The following RANBP9 variants were observed in gnomAD, a reference collection of about 807,000 sequenced individuals.
RANBP9 encodes the protein RAN binding protein 9, also known as ran-binding protein 9.
Under a neutral mutation model 84.3 loss-of-function variants are expected in RANBP9, and 15 were observed. The ratio of observed to expected loss-of-function variants is 0.18; its 90% CI spans 0.12 to 0.27. The LOEUF is 0.27. Ranked by LOEUF, RANBP9 falls within the 10% of genes least tolerant of loss-of-function variation. The pLI is 1.00. For synonymous variants in RANBP9, 392 were observed against 349.6 expected, an observed-to-expected ratio of 1.12 and a Z score of -1.35; for missense variants, 809 against 912.8, an observed-to-expected ratio of 0.89 and a Z score of 1.46.
intron 2 of RANBP9, among the ~76,000 whole-genome samples, chr6:13,682,197 T>C (rs945835769): frequency 6.6e-6 from 1 of 152,016 alleles, no homozygotes; most frequent in Non-Finnish European, 1.5e-5. Context: ...TTTGAAACAA[T>C]GTAAATGTTT....
rs147758831 is a variant in RANBP9 at position 13,623,729 on chromosome 6, CAT to C, written c.2060-1239_2060-1238del. Among the ~76,000 whole-genome samples the C allele has an allele frequency of 5.8e-3, 883 of 152,216 alleles. 4 individuals carry two copies. The highest frequency in any genetic ancestry group is 0.02 in the African/African-American group (820 of 41,542). ...CATAATATAGCATGGTATTTATAAA[CAT>C]ATACATGCCCATCTATAGCAGTTTA... On this transcript the variant is annotated intron_variant, in intron 13 of 13. Transcript: ENST00000011619.
rs1241218437 is a variant in RANBP9 at position 13,659,239 on chromosome 6, ACCCC to A, written c.684-411_684-408del. Among the ~76,000 whole-genome samples the A allele has an allele frequency of 1.4e-4, 20 of 138,356 alleles. 1 individual carries two copies. In the East Asian group the frequency reaches 3.2e-3, roughly 22 times the overall value. The allele number at this position is 138,356 out of a possible 152,430, so 90.8% of individuals were successfully genotyped here. A position where few individuals can be genotyped will look rare whatever the true frequency, so the allele number is the denominator to read the frequency against. On this transcript the variant is annotated intron_variant, in intron 2 of 13. Coordinates refer to ENST00000011619, the MANE Select transcript of RANBP9 (RefSeq NM_005493.3). ...CCCAAGGGACACAGTACAAATTTAG[ACCCC>A]ACACACACACACATACACACACACA... is the stretch of plus-strand genomic sequence containing the variant.
intron 4 of RANBP9, among the ~76,000 whole-genome samples, chr6:13,656,436 G>C (rs965835541): frequency 6.6e-6 from 1 of 151,586 alleles, no homozygotes; most frequent in African/African-American, 2.4e-5. Context: ...GGAATATAAT[G>C]ACCACATATA....
intron 2 of RANBP9, among the ~76,000 whole-genome samples, chr6:13,692,542 A>AC (rs1359562930): frequency 6.9e-5 from 10 of 145,898 alleles, no homozygotes; most frequent in African/African-American, 1.0e-4. Flanking sequence ...AAAAAAAAAA[A>AC]AAAAAAAAAA....
At position 13,711,157 on chromosome 6, in the gene RANBP9, C is replaced by T. The variant is rs1584955346; in HGVS notation, c.349G>A (p.Gly117Arg). The change falls in exon 1 of 14, where the codon GGA becomes AGA. Residue 117 changes from glycine to arginine, a missense_variant. By Grantham distance (125) the Gly-to-Arg change is moderately radical. This residue lies in a region of RANBP9 where 302 missense variants were observed against 240.1 expected (regional missense o/e 1.26). Coordinates refer to ENST00000011619, the MANE Select transcript of RANBP9 (RefSeq NM_005493.3). ...GCCACCAGAGCTGGGGTCGGGGCTC[C>T]TCCAGCCGGGCCGGGGCCCGCTGCA... ...GLAAGPGPAG[G>R]APTPALVAGS... is the part of the protein sequence containing the mutation. The T allele has an allele frequency of 1.4e-6, 2 of 1,481,410 alleles. No homozygotes were observed. The highest frequency in any genetic ancestry group is 8.9e-7 in the Non-Finnish European group (1 of 1,118,400). The allele number at this position is 1,481,410 out of a possible 1,614,324, so 91.8% of individuals were successfully genotyped here. A position where few individuals can be genotyped will look rare whatever the true frequency, so the allele number is the denominator to read the frequency against.
intron 4 of RANBP9, among the ~76,000 whole-genome samples, chr6:13,654,912 A>C (rs1765366124): frequency 1.3e-5 from 2 of 152,264 alleles, no homozygotes. Context: ...TATTCACTAG[A>C]TGCCAGAACT....
At chr6:13,710,881 G>T in intron 1 of RANBP9, 54 bp downstream of exon 1, 1 of 1,517,856 alleles carries the variant, frequency 6.6e-7, no homozygotes, top group African/African-American at 1.4e-5. Context: ...CGCAGCGGCG[G>T]CCGGCCACGT....
At chr6:13,657,378 T>A (rs1765424378) in intron 3 of RANBP9, 102 bp from the exon 4 acceptor site, 3 of 889,552 alleles carry the variant, frequency 3.4e-6, no homozygotes, top group East Asian at 5.9e-5. Context: ...CAAGATAATA[T>A]AAAGATGAAA....
chr6:13,694,750 G>C (rs1766403032), intron 2 of RANBP9, among the ~76,000 whole-genome samples: 1 of 152,102 alleles, frequency 6.6e-6, no homozygotes, highest in Non-Finnish European at 1.5e-5. Flanking sequence ...GTCCCCACCT[G>C]GGAATCATTC....
intron 2 of RANBP9, among the ~76,000 whole-genome samples, chr6:13,681,856 G>A (rs1041749163): frequency 1.3e-5 from 2 of 151,994 alleles, no homozygotes; most frequent in African/African-American, 4.8e-5. Context: ...CTTCTGTGAA[G>A]TGCCTTCTTT....
At chr6:13,696,615 T>C (rs1757837624) in intron 2 of RANBP9, among the ~76,000 whole-genome samples, 170 bp downstream of exon 2, 1 of 152,234 alleles carries the variant, frequency 6.6e-6, no homozygotes, top group Non-Finnish European at 1.5e-5. Flanking sequence ...AGCTTTAACT[T>C]CAGCTAGTAT....
chr6:13,698,330 AG>A (rs1757891867), intron 1 of RANBP9, among the ~76,000 whole-genome samples: 1 of 152,260 alleles, frequency 6.6e-6, no homozygotes, highest in Non-Finnish European at 1.5e-5. Flanking sequence ...CATATGATGC[AG>A]GTAATAGATT....
chr6:13,648,571 G>A (rs1765225381), intron 5 of RANBP9, among the ~76,000 whole-genome samples: 1 of 152,074 alleles, frequency 6.6e-6, no homozygotes, highest in Non-Finnish European at 1.5e-5. Flanking sequence ...AGACAGAATA[G>A]GTTCTTTATG....
chr6:13,639,599 A>T lies in RANBP9; in HGVS notation c.1489T>A (p.Leu497Ile), dbSNP rs1269920094. 8.7e-6 allele frequency: 14 copies of T among 1,612,178 alleles called. No individual in the cohort carries two copies. The highest frequency in any genetic ancestry group is 1.2e-5 in the Non-Finnish European group (14 of 1,178,350). The stretch of plus-strand genomic sequence containing the variant: ...GCGGTGCTTCCTTTGCCTGATGCTA[A>T]ATTGTGGATATTCATTCCATGGCTG... ...SPSHGMNIHN[L>I]ASGKGSTAHF... is the part of the protein sequence containing the mutation. The change falls in exon 9 of 14, where the codon TTA becomes ATA. Residue 497 changes from leucine to isoleucine, a missense_variant. Transcript: ENST00000011619.
intron 2 of RANBP9, among the ~76,000 whole-genome samples, chr6:13,680,341 T>C (rs935629274): frequency 6.6e-6 from 1 of 152,114 alleles, no homozygotes; most frequent in Non-Finnish European, 1.5e-5. Flanking sequence ...AGTCAAGTAA[T>C]GGTTCTTTAA....
At chr6:13,648,380 C>T (rs994687691) in intron 5 of RANBP9, among the ~76,000 whole-genome samples, 3 of 151,852 alleles carry the variant, frequency 2.0e-5, no homozygotes, top group Admixed American at 6.6e-5. Context: ...TCTCTTGATC[C>T]GCCCGCCTTG....
In RANBP9 at chr6:13,711,337, C is replaced by T; in HGVS notation, c.169G>A (p.Gly57Ser). 1 of 1,121,794 alleles carries T rather than the reference C, an allele frequency of 8.9e-7. No homozygotes were observed. The highest frequency in any genetic ancestry group is 5.0e-5 in the Admixed American group (1 of 20,008). 69.5% of individuals were successfully genotyped at this position (1,121,794 alleles called of 1,614,324 possible). Residue 57 changes from glycine to serine, a missense_variant, in exon 1 of 14, where the codon GGC (glycine) becomes AGC (serine). Transcript: ENST00000011619. Reference protein sequence around the residue: ...PAGSPGGGAGGEGLGAAAAAL... With the variant: ...PAGSPGGGAGSEGLGAAAAAL... ...GCCGCCGCGGCCCCTAAGCCTTCGC[C>T]GCCCGCACCGCCGCCGGGCGAGCCG...
intron 1 of RANBP9, among the ~76,000 whole-genome samples, chr6:13,705,406 CAAAAAA>C (rs774239782): frequency 8.2e-3 from 219 of 26,728 alleles, no homozygotes; most frequent in African/African-American, 0.022. Context: ...GATTCTGTCT[CAAAAAA>C]AAAAAAAAAA....
At chr6:13,691,769 G>A (rs751011279) in intron 2 of RANBP9, among the ~76,000 whole-genome samples, 1 of 152,014 alleles carries the variant, frequency 6.6e-6, no homozygotes, top group Non-Finnish European at 1.5e-5. Flanking sequence ...GTGTTCAAGC[G>A]ATTCTCCTGC....
Sources: gnomAD v4.1 joint callset for allele counts (sites outside exome capture counted in the v4.1 genomes callset) on GRCh38, gnomAD v4.1.1 for gene constraint, gnomAD v4.1.1 regional missense constraint, MANE v1.5 for transcripts, NCBI Gene and HGNC (gene_info 2026-07-23, HGNC 2026-07-21) for gene names.